Variants in ZNF410 observed in about 807,000 individuals in gnomAD.
The protein encoded by ZNF410 is another partner for ARF 1.
In ZNF410, 18 loss-of-function variants were observed where a neutral mutation model predicts 54.8. The observed-to-expected ratio is 0.33, with a 90% confidence interval of 0.23 to 0.49. The LOEUF is 0.49. ZNF410 is among the 20% of genes least tolerant of loss of function. The probability of loss-of-function intolerance (pLI) is 0.99; values close to 1 mark genes in which losing one functional copy is unlikely to be tolerated. For missense variants in ZNF410, 405 were observed against 569.6 expected (o/e 0.71, Z 2.94); for synonymous variants, 191 against 207.3 (o/e 0.92, Z 0.68).
chr14:73,910,004 C>CA (rs1166266153), intron 8 of ZNF410, among the ~76,000 whole-genome samples: 1 of 152,150 alleles, frequency 6.6e-6, no homozygotes, highest in African/African-American at 2.4e-5. Flanking sequence ...GCAATTCTGT[C>CA]AGTTTGCTCA....
chr14:73,892,190 G>A lies in ZNF410; in HGVS notation c.15G>A (p.Glu5=), dbSNP rs757814091. Residue 5 remains glutamate, a synonymous_variant, in exon 2 of 12, where the codon GAG becomes GAA. Coordinates refer to ENST00000555044, the MANE Select transcript of ZNF410 (RefSeq NM_021188.3). ...AAGCTGAATCAATGTTATCAGATGA[G>A]TTAGAATCCAAACCAGAGGTGAGCC... The part of the protein sequence containing the change: MLSD[E]LESKPELLVQ... The A allele has an allele frequency of 1.9e-6, 3 of 1,613,558 alleles. No homozygotes were observed. The Admixed American group carries it at 5.0e-5, about 27-fold the overall frequency.
chr14:73,890,605 T>C (rs1256276159), intron 1 of ZNF410, among the ~76,000 whole-genome samples: 1 of 152,220 alleles, frequency 6.6e-6, no homozygotes, highest in Non-Finnish European at 1.5e-5. Flanking sequence ...CATTTTACAC[T>C]GTATGATTAT....
At chr14:73,921,147 G>T (rs2055749386) in intron 9 of ZNF410, 42 bp downstream of exon 9, 31 of 1,606,592 alleles carry the variant, frequency 1.9e-5, no homozygotes, top group Non-Finnish European at 2.5e-5. Context: ...CTACTTCTAG[G>T]GTTCCAAGAG....
intron 5 of ZNF410, 131 bp from the exon 6 acceptor site, chr14:73,903,829 A>G (rs1349227531): frequency 8.0e-7 from 1 of 1,251,208 alleles, no homozygotes; most frequent in African/African-American, 1.5e-5. Context: ...GCATACAAAG[A>G]TAACTGGGGA....
At chr14:73,908,095 G>C (rs1429385204) in intron 7 of ZNF410, among the ~76,000 whole-genome samples, 1 of 152,084 alleles carries the variant, frequency 6.6e-6, no homozygotes, top group East Asian at 1.9e-4. Flanking sequence ...AAGTGGTAGT[G>C]CCAGGATCTG....
chr14:73,891,866 G>A, intron 1 of ZNF410, 161 bp from the exon 2 acceptor site: 1 of 590,890 alleles, frequency 1.7e-6, no homozygotes, highest in Non-Finnish European at 3.0e-6. Flanking sequence ...GGGTTTTGAT[G>A]CCTGTTGAGC....
chr14:73,927,691 A>C (rs999151863), intron 11 of ZNF410, among the ~76,000 whole-genome samples: 2 of 152,178 alleles, frequency 1.3e-5, no homozygotes, highest in Admixed American at 6.5e-5. Context: ...GGTACTAGTT[A>C]TACAATAGTA....
chr14:73,918,844 G>C (rs1246450889), intron 8 of ZNF410, among the ~76,000 whole-genome samples: 1 of 150,366 alleles, frequency 6.7e-6, no homozygotes, highest in South Asian at 2.1e-4. Context: ...GACTACAGGC[G>C]CCCGCCACCA....
At chr14:73,918,614 T>C (rs1205071474) in intron 8 of ZNF410, among the ~76,000 whole-genome samples, 4 of 151,832 alleles carry the variant, frequency 2.6e-5, no homozygotes, top group Non-Finnish European at 4.4e-5. Flanking sequence ...ATGTCTCTCT[T>C]TCTCCAGCCC....
At chr14:73,926,684 C>T (rs2055838305) in intron 11 of ZNF410, among the ~76,000 whole-genome samples, 1 of 152,196 alleles carries the variant, frequency 6.6e-6, no homozygotes, top group Non-Finnish European at 1.5e-5. Context: ...ATCCACCCAC[C>T]TCGGCCTCCC....
intron 6 of ZNF410, 65 bp from the exon 7 acceptor site, chr14:73,904,837 T>A (rs1327114415): frequency 1.3e-6 from 2 of 1,542,142 alleles, no homozygotes; most frequent in Non-Finnish European, 1.8e-6. Flanking sequence ...CAATAGGGGC[T>A]TTGACTTGTC....
At chr14:73,912,102 A>C (rs17182675) in intron 8 of ZNF410, among the ~76,000 whole-genome samples, 2 of 151,874 alleles carry the variant, frequency 1.3e-5, no homozygotes, top group Non-Finnish European at 2.9e-5. Flanking sequence ...TTGGTTGTCA[A>C]AATTGATCCA....
At chr14:73,915,343 A>AT (rs1216492554) in intron 8 of ZNF410, among the ~76,000 whole-genome samples, 51 of 143,382 alleles carry the variant, frequency 3.6e-4, no homozygotes, top group African/African-American at 4.1e-4. Context: ...TTCATGATTA[A>AT]TTTTTTTTTT....
intron 11 of ZNF410, among the ~76,000 whole-genome samples, chr14:73,925,661 C>G (rs1463305775): frequency 6.6e-6 from 1 of 152,146 alleles, no homozygotes; most frequent in Admixed American, 6.6e-5. Context: ...CTCCTGACCT[C>G]AAGTGATCCA....
intron 8 of ZNF410, among the ~76,000 whole-genome samples, chr14:73,909,774 A>G (rs562496774): frequency 6.6e-6 from 1 of 152,310 alleles, no homozygotes; most frequent in East Asian, 1.9e-4. Context: ...AGGATTTCAT[A>G]TCAGAAGAAA....
intron 7 of ZNF410, among the ~76,000 whole-genome samples, chr14:73,905,968 C>CATATAT (rs375039083): frequency 0.073 from 5,699 of 78,592 alleles, 319 homozygotes; most frequent in East Asian, 0.3. Flanking sequence ...CACACACACA[C>CATATAT]ATATATATAT....
intron 5 of ZNF410, among the ~76,000 whole-genome samples, chr14:73,898,871 G>A (rs774850355): frequency 5.9e-5 from 9 of 152,152 alleles, no homozygotes; most frequent in Non-Finnish European, 8.8e-5. Context: ...TTGACGTCAC[G>A]TGGGAACTGA....
intron 11 of ZNF410, among the ~76,000 whole-genome samples, chr14:73,929,875 TGGTTCA>T (rs1278372060): frequency 7.2e-5 from 11 of 152,066 alleles, no homozygotes; most frequent in Admixed American, 3.3e-4. Context: ...GTCACCTCTC[TGGTTCA>T]GGTGGACAAT....
chr14:73,927,028 T>C (rs748595370), intron 11 of ZNF410: 20 of 154,814 alleles, frequency 1.3e-4, no homozygotes, highest in Non-Finnish European at 2.3e-4. Context: ...AGATCTATTT[T>C]TCATTAAGGC....
Sources: allele counts gnomAD v4.1 joint callset (sites outside exome capture counted in the v4.1 genomes callset), GRCh38; gene constraint gnomAD v4.1.1; transcripts MANE v1.5; gene names NCBI Gene and HGNC (gene_info 2026-07-23, HGNC 2026-07-21).